The following CNOT1 variants were observed in gnomAD, a reference collection of about 807,000 sequenced individuals.
CNOT1 encodes CCR4-NOT transcription complex subunit 1, also known as CCR4-associated factor 1.
A neutral mutation model predicts 273.8 loss-of-function variants in CNOT1; 15 were observed. The ratio of observed to expected loss-of-function variants is 0.05; its 90% confidence interval spans 0.04 to 0.08. CNOT1 has a LOEUF of 0.08. Among genes scored for constraint, CNOT1 ranks in the 10% least tolerant of loss-of-function variants. CNOT1 has a pLI of 1.00. For synonymous variants in CNOT1, 1,022 were observed against 1,005.5 expected (o/e 1.02, Z -0.31); for missense variants, 1,644 against 2,912.2 (o/e 0.56, Z 10.02).
intron 2 of CNOT1, among the ~76,000 whole-genome samples, chr16:58,596,802 G>A (rs2042270503): frequency 7.1e-6 from 1 of 141,588 alleles, no homozygotes; most frequent in African/African-American, 2.7e-5. Flanking sequence ...GCAGGAGAAT[G>A]GCGTGAACCT....
At chr16:58,541,662 A>G (rs2040098324) in intron 33 of CNOT1, 42 bp from the exon 34 acceptor site, 1 of 1,600,688 alleles carries the variant, frequency 6.2e-7, no homozygotes, top group African/African-American at 1.3e-5. Context: ...TCACTCAATA[A>G]TCAAAATAAA....
At chr16:58,545,703 T>C (rs992906147) in intron 29 of CNOT1, among the ~76,000 whole-genome samples, 1 of 152,186 alleles carries the variant, frequency 6.6e-6, no homozygotes, top group Non-Finnish European at 1.5e-5. Flanking sequence ...ACTATGTCAG[T>C]GCCAGTGCCC....
At chr16:58,566,516 G>C (rs1346988100) in intron 16 of CNOT1, among the ~76,000 whole-genome samples, 1 of 152,206 alleles carries the variant, frequency 6.6e-6, no homozygotes, top group Non-Finnish European at 1.5e-5. Flanking sequence ...ACTGCAGATG[G>C]ATTAAAATGT....
At chr16:58,528,930 T>A (rs2039685414) in intron 43 of CNOT1, among the ~76,000 whole-genome samples, 1 of 145,062 alleles carries the variant, frequency 6.9e-6, no homozygotes, top group Non-Finnish European at 1.5e-5. Context: ...TAAGCGTCTA[T>A]CTTCAGAAGC....
intron 25 of CNOT1, chr16:58,548,574 T>C (rs761822237): frequency 3.1e-5 from 16 of 519,230 alleles, no homozygotes; most frequent in Non-Finnish European, 3.5e-5. Context: ...GGAATTCTTT[T>C]GCACTACAGC....
chr16:58,580,081 G>A (rs941869851), intron 12 of CNOT1, among the ~76,000 whole-genome samples: 1 of 152,010 alleles, frequency 6.6e-6, no homozygotes, highest in Non-Finnish European at 1.5e-5. Context: ...GCGGTGGTGA[G>A]CACTTGTAAT....
At chr16:58,560,492 G>A in intron 16 of CNOT1, 130 bp from the exon 17 acceptor site, 1 of 1,422,682 alleles carries the variant, frequency 7.0e-7, no homozygotes. Flanking sequence ...GAGTGCAGTA[G>A]CACGATATCA....
intron 44 of CNOT1, 132 bp from the exon 45 acceptor site, chr16:58,526,270 AT>A: frequency 1.3e-6 from 1 of 789,316 alleles, no homozygotes; most frequent in Non-Finnish European, 2.0e-6. Context: ...CAGCTGCCAC[AT>A]TTTATTAATC....
Position 58,525,243 on chromosome 16 carries a change from G to C in CNOT1, c.6720C>G (p.Ser2240Arg). The C allele has an allele frequency of 6.2e-7, 1 of 1,613,980 alleles. No individual in the cohort carries two copies. The highest frequency in any genetic ancestry group is 8.5e-7 in the Non-Finnish European group (1 of 1,180,034). ...IHNKGSTPSM[S>R]TITHSAHMDI... ...CCATGTGTGCTGAGTGAGTGATGGT[G>C]CTCATTGAAGGTGTGCTGCCCTTGT... The change falls in exon 46 of 49, where the codon AGC becomes AGG. Residue 2240 changes from serine (S) to arginine (R), a missense_variant. Physicochemically the swap from Ser to Arg is moderately radical, Grantham distance 110 (BLOSUM62 -1). Transcript: ENST00000317147.
chr16:58,589,473 T>C (rs1234794859), intron 2 of CNOT1, among the ~76,000 whole-genome samples: 1 of 152,138 alleles, frequency 6.6e-6, no homozygotes, highest in Admixed American at 6.5e-5. Context: ...GATCGTGCCA[T>C]TGTGGTCCAG....
rs541180015 is a variant in CNOT1, at chr16:58,607,384, T to C, written c.-174-7873A>G. On this transcript the variant is annotated intron_variant, in intron 1 of 48. Coordinates refer to ENST00000317147, the MANE Select transcript of CNOT1 (RefSeq NM_016284.5). Reference sequence around the variant, plus strand: ...CCTTTTGTTTGTATATATGCTCACATATATATAGTTGCTTTTTTGTGAAAA... The same window carrying C: ...CCTTTTGTTTGTATATATGCTCACACATATATAGTTGCTTTTTTGTGAAAA... 7.2e-5 allele frequency among the ~76,000 whole-genome samples: 11 copies of C among 152,200 alleles called. No homozygotes were observed. The East Asian group carries it at 2.1e-3, about 29-fold the overall frequency.
chr16:58,626,693 G>A (rs1325819731), intron 1 of CNOT1, among the ~76,000 whole-genome samples: 2 of 151,756 alleles, frequency 1.3e-5, no homozygotes, highest in Non-Finnish European at 2.9e-5. Flanking sequence ...CCAGGAGGCG[G>A]AGGTTGTAGT....
intron 40 of CNOT1, among the ~76,000 whole-genome samples, 198 bp downstream of exon 40, chr16:58,533,949 G>GT (rs2039854568): frequency 6.6e-6 from 1 of 151,658 alleles, no homozygotes; most frequent in Non-Finnish European, 1.5e-5. Flanking sequence ...GGGCAACATG[G>GT]TAAGACTCTA....
chr16:58,629,204 G>C (rs997036824), intron 1 of CNOT1, among the ~76,000 whole-genome samples: 4 of 152,250 alleles, frequency 2.6e-5, no homozygotes, highest in African/African-American at 9.6e-5. Context: ...AAGACGGGGA[G>C]AGTGGCAGCT....
In CNOT1 at chr16:58,562,422, T is replaced by G. The variant is rs181309128; in HGVS notation, c.1980-2060A>C. 5.1e-3 allele frequency among the ~76,000 whole-genome samples: 775 copies of G among 151,750 alleles called. 8 individuals are homozygous for G. Among genetic ancestry groups the G allele is most frequent in the Admixed American group, 8.1e-3 (123 of 15,206 alleles). ...GGGAGGCTGAGGCGGGAGGAGTGCT[T>G]GAGCCCAGGATTTCAAGGCTGTAGT... is the stretch of plus-strand genomic sequence containing the variant. On this transcript the variant is annotated intron_variant, in intron 16 of 48. Coordinates refer to ENST00000317147, the MANE Select transcript of CNOT1 (RefSeq NM_016284.5).
intron 25 of CNOT1, among the ~76,000 whole-genome samples, chr16:58,548,284 T>C (rs1041505232): frequency 3.9e-5 from 6 of 152,138 alleles, no homozygotes; most frequent in African/African-American, 1.4e-4. Context: ...CCGGTTACTG[T>C]TTTTCTAAGG....
At position 58,543,265 on chromosome 16, in the gene CNOT1, C is replaced by T. The variant is rs76521915; in HGVS notation, c.4434+342G>A. 2.2e-3 allele frequency: 3,323 copies of T among 1,544,120 alleles called. 37 individuals are homozygous for T. The highest frequency in any genetic ancestry group is 8.5e-3 in the East Asian group (348 of 40,762). Reference sequence around the variant, plus strand: ...AACATCACTTTAAGTCATTTTGTATCGGCCTTCTCAAACAGCTTTCATCCT... The same window carrying T: ...AACATCACTTTAAGTCATTTTGTATTGGCCTTCTCAAACAGCTTTCATCCT... On this transcript the variant is annotated intron_variant, in intron 31 of 48. Transcript: ENST00000317147.
chr16:58,572,273 A>C (rs2041299946), intron 16 of CNOT1, among the ~76,000 whole-genome samples: 1 of 151,620 alleles, frequency 6.6e-6, no homozygotes, highest in South Asian at 2.1e-4. Context: ...AACAAGAGCA[A>C]AACTCCATCT....
At chr16:58,608,660 T>C (rs1038410660) in intron 1 of CNOT1, among the ~76,000 whole-genome samples, 5 of 66,326 alleles carry the variant, frequency 7.5e-5, no homozygotes, top group African/African-American at 4.1e-4. Context: ...AAAAAGATAC[T>C]TGCACACGTT....
Sources: gnomAD v4.1 joint callset for allele counts (sites outside exome capture counted in the v4.1 genomes callset) on GRCh38, gnomAD v4.1.1 for gene constraint, MANE v1.5 for transcripts, NCBI Gene and HGNC (gene_info 2026-07-23, HGNC 2026-07-21) for gene names.